Variants in EPHA4 observed in about 807,000 individuals in gnomAD.
EPHA4 encodes EPH receptor A4.
In EPHA4, 19 loss-of-function variants were observed where a neutral mutation model predicts 108.3. The observed-to-expected ratio is 0.18, with a 90% confidence interval of 0.12 to 0.26. The LOEUF is 0.26. Ranked by LOEUF, EPHA4 falls within the 10% of genes least tolerant of loss-of-function variation. The pLI, the probability that EPHA4 is intolerant of heterozygous loss-of-function variation, is 1.00. For synonymous variants in EPHA4, 449 were observed against 455.5 expected (o/e 0.99, Z 0.18); for missense variants, 917 against 1,254.0 (o/e 0.73, Z 4.06).
At chr2:221,444,406 G>A (rs1465848411) in intron 9 of EPHA4, among the ~76,000 whole-genome samples, 1 of 152,110 alleles carries the variant, frequency 6.6e-6, no homozygotes, top group Non-Finnish European at 1.5e-5. Context: ...CTCCCTCCTG[G>A]AGCTGTTGGG....
chr2:221,572,647 A>G (rs916613400), upstream of EPHA4: 2 of 158,834 alleles, frequency 1.3e-5, no homozygotes, highest in Admixed American at 6.5e-5. Flanking sequence ...GAGGTTGGAA[A>G]CCTTTTCTCC....
In EPHA4 at chr2:221,505,570, C is replaced by T. The variant is rs180674910; in HGVS notation, c.824-4398G>A. On this transcript the variant is annotated intron_variant, in intron 3 of 17. Coordinates refer to ENST00000281821, the MANE Select transcript of EPHA4 (RefSeq NM_004438.5). Reference sequence around the variant, plus strand: ...TGAACTCCTGACCTCGTGATCCGCCCGCCTCGGCCTCCCAAAGTGCCAGGA... The same window carrying T: ...TGAACTCCTGACCTCGTGATCCGCCTGCCTCGGCCTCCCAAAGTGCCAGGA... Among the ~76,000 whole-genome samples, 1,130 of 152,184 alleles carry T rather than the reference C, an allele frequency of 7.4e-3. 17 individuals carry two copies. Among genetic ancestry groups the T allele is most frequent in the Admixed American group, 0.042 (643 of 15,282 alleles).
intron 14 of EPHA4, among the ~76,000 whole-genome samples, chr2:221,431,363 G>C (rs933251031): frequency 6.6e-6 from 1 of 152,184 alleles, no homozygotes; most frequent in African/African-American, 2.4e-5. Context: ...ATTGGCCTTC[G>C]AAAGAAAAGA....
At chr2:221,483,170 T>C (rs990922336) in intron 4 of EPHA4, among the ~76,000 whole-genome samples, 3 of 152,214 alleles carry the variant, frequency 2.0e-5, no homozygotes, top group Non-Finnish European at 4.4e-5. Flanking sequence ...ACTGTAGAAA[T>C]GTGCCTCTGC....
rs1411369985 is a variant in EPHA4 at position 221,499,254 on chromosome 2, T to A, written c.979+1763A>T. ...AAATATAATAATATAAATATAATAATAATATAAAATAGAAACTAGGTGAGT... is the reference window on the plus strand; with the variant it reads ...AAATATAATAATATAAATATAATAAAAATATAAAATAGAAACTAGGTGAGT... On this transcript the variant is annotated intron_variant, in intron 4 of 17. Transcript: ENST00000281821. Among the ~76,000 whole-genome samples, 6 of 148,250 alleles carry A rather than the reference T, an allele frequency of 4.0e-5. No homozygotes were observed. The Admixed American group carries it at 4.1e-4, about 10-fold the overall frequency.
intron 11 of EPHA4, among the ~76,000 whole-genome samples, chr2:221,440,090 A>AGGCCT (rs1355668979): frequency 6.6e-6 from 1 of 152,340 alleles, no homozygotes; most frequent in African/African-American, 2.4e-5. Context: ...CTTATAAAAT[A>AGGCCT]GGCCTGGGCT....
At chr2:221,501,218 T>A in intron 3 of EPHA4, 46 bp from the exon 4 acceptor site, 1 of 1,500,500 alleles carries the variant, frequency 6.7e-7, no homozygotes, top group African/African-American at 1.4e-5. Flanking sequence ...CCACTGCAAA[T>A]AGACCAAAGC....
chr2:221,483,229 G>A (rs891305214), intron 4 of EPHA4, among the ~76,000 whole-genome samples: 5 of 152,122 alleles, frequency 3.3e-5, no homozygotes, highest in South Asian at 2.1e-4. Flanking sequence ...TAATTAGTAC[G>A]AACTGGTTTA....
intron 3 of EPHA4, among the ~76,000 whole-genome samples, chr2:221,506,404 G>A (rs2106161749): frequency 6.6e-6 from 1 of 152,282 alleles, no homozygotes; most frequent in South Asian, 2.1e-4. Flanking sequence ...AGCCATCTTT[G>A]GGGAAGGTGT....
intron 5 of EPHA4, among the ~76,000 whole-genome samples, chr2:221,460,436 G>T (rs1303911635): frequency 6.6e-6 from 1 of 152,168 alleles, no homozygotes; most frequent in Non-Finnish European, 1.5e-5. Flanking sequence ...TTGTATGGCT[G>T]CAAAGTCTAA....
At chr2:221,443,336 G>A (rs3770192) in intron 10 of EPHA4, among the ~76,000 whole-genome samples, 157 bp downstream of exon 10, 38,363 of 151,834 alleles carry the variant, frequency 0.25, 5,001 homozygotes, top group African/African-American at 0.31. Flanking sequence ...TTGTACTAGA[G>A]TTCTTTATAA....
At chr2:221,534,539 C>T (rs992948040) in intron 3 of EPHA4, among the ~76,000 whole-genome samples, 20 of 152,200 alleles carry the variant, frequency 1.3e-4, no homozygotes, top group African/African-American at 4.8e-4. Context: ...GGCCTGGCTA[C>T]AGTGGCTGTG....
At position 221,467,959 on chromosome 2, in the gene EPHA4, T is replaced by A. The variant is rs372445249; in HGVS notation, c.1319-9969A>T. Among the ~76,000 whole-genome samples the A allele has an allele frequency of 5.9e-5, 9 of 152,146 alleles. No individual in the cohort carries two copies. In the East Asian group the frequency reaches 1.5e-3, roughly 26 times the overall value. Reference sequence around the variant, plus strand: ...TCCACTGGAAGGCAGTTTAGAAGAATTTGCCTGAGCAAGATGATTGTTTTA... The same window carrying A: ...TCCACTGGAAGGCAGTTTAGAAGAAATTGCCTGAGCAAGATGATTGTTTTA... On this transcript the variant is annotated intron_variant, in intron 5 of 17. Transcript: ENST00000281821.
intron 5 of EPHA4, among the ~76,000 whole-genome samples, chr2:221,463,662 T>C (rs1315321942): frequency 1.3e-5 from 2 of 152,204 alleles, no homozygotes; most frequent in African/African-American, 4.8e-5. Flanking sequence ...GCTCAGCAGT[T>C]CTCCTTGCTC....
chr2:221,448,306 A>G (rs112054413), intron 8 of EPHA4, among the ~76,000 whole-genome samples: 240 of 152,222 alleles, frequency 1.6e-3, no homozygotes, highest in African/African-American at 5.6e-3. Flanking sequence ...GGACTTTGTG[A>G]AAGCCCTGAT....
chr2:221,506,996 T>C (rs1478826671), intron 3 of EPHA4, among the ~76,000 whole-genome samples: 1 of 152,212 alleles, frequency 6.6e-6, no homozygotes, highest in Non-Finnish European at 1.5e-5. Context: ...TGTTCATTAT[T>C]ACCAATTCAA....
intron 3 of EPHA4, 48 bp from the exon 4 acceptor site, chr2:221,501,220 G>A: frequency 4.7e-6 from 7 of 1,487,556 alleles, no homozygotes; most frequent in African/African-American, 1.4e-5. Flanking sequence ...ACTGCAAATA[G>A]ACCAAAGCAA....
intron 15 of EPHA4, among the ~76,000 whole-genome samples, chr2:221,428,445 T>C (rs1462387789): frequency 6.6e-6 from 1 of 152,208 alleles, no homozygotes; most frequent in Non-Finnish European, 1.5e-5. Context: ...CTGATAATAG[T>C]GTATCTAATA....
chr2:221,450,719 C>T (rs1559246194), intron 8 of EPHA4, among the ~76,000 whole-genome samples: 2 of 151,906 alleles, frequency 1.3e-5, no homozygotes, highest in Non-Finnish European at 2.9e-5. Context: ...TTTCCTTATC[C>T]AGGTAAAAGG....
Sources: allele counts gnomAD v4.1 joint callset (sites outside exome capture counted in the v4.1 genomes callset), GRCh38; gene constraint gnomAD v4.1.1; transcripts MANE v1.5; gene names NCBI Gene and HGNC (gene_info 2026-07-23, HGNC 2026-07-21).